BICC1: variants seen among roughly 807,000 people sequenced by gnomAD.
BICC1 encodes the protein protein bicaudal C homolog 1.
A neutral mutation model predicts 111.0 loss-of-function variants in BICC1; 43 were observed. The ratio of observed to expected loss-of-function variants is 0.39; its 90% CI spans 0.30 to 0.50. The LOEUF (loss-of-function observed/expected upper bound fraction) is 0.50. Among genes scored for constraint, BICC1 ranks in the 20% least tolerant of loss-of-function variants. BICC1 has a pLI of 0.88. For missense variants in BICC1, 1,091 were observed against 1,203.2 expected (o/e 0.91, Z 1.38); for synonymous variants, 467 against 434.4 (o/e 1.07, Z -0.93).
chr10:58,746,521 A>G (rs1307631704), intron 3 of BICC1, among the ~76,000 whole-genome samples: 1 of 152,148 alleles, frequency 6.6e-6, no homozygotes, highest in Non-Finnish European at 1.5e-5. Context: ...AGAAGGGGGA[A>G]AATGATTGAG....
intron 17 of BICC1, among the ~76,000 whole-genome samples, chr10:58,807,438 G>A (rs182282879): frequency 8.8e-4 from 134 of 152,196 alleles, no homozygotes; most frequent in African/African-American, 3.0e-3. Flanking sequence ...AATGATAAGC[G>A]TAGGGCTGAG....
At chr10:58,544,290 T>C (rs1171787319) in intron 1 of BICC1, among the ~76,000 whole-genome samples, 1 of 152,196 alleles carries the variant, frequency 6.6e-6, no homozygotes, top group Non-Finnish European at 1.5e-5. Context: ...AAAATGGATT[T>C]GTGTGACTTG....
intron 2 of BICC1, among the ~76,000 whole-genome samples, chr10:58,668,761 T>C (rs1221878084): frequency 6.6e-6 from 1 of 152,068 alleles, no homozygotes; most frequent in Non-Finnish European, 1.5e-5. Context: ...ATGGTGCATC[T>C]AGTTCAGTAT....
At chr10:58,755,453 A>G (rs1211494707) in intron 3 of BICC1, among the ~76,000 whole-genome samples, 1 of 152,192 alleles carries the variant, frequency 6.6e-6, no homozygotes, top group Non-Finnish European at 1.5e-5. Context: ...TGGATTTCAC[A>G]TTACAGTACA....
chr10:58,768,620 A>G (rs982781391), intron 3 of BICC1, among the ~76,000 whole-genome samples: 1 of 152,200 alleles, frequency 6.6e-6, no homozygotes, highest in Non-Finnish European at 1.5e-5. Flanking sequence ...TTAAAAGACA[A>G]AAGTATTAAA....
intron 3 of BICC1, among the ~76,000 whole-genome samples, chr10:58,718,769 C>T (rs61874131): frequency 0.96 from 143,307 of 148,688 alleles, 69,009 homozygotes; most frequent in East Asian, 1. Flanking sequence ...TGTGTGTGCG[C>T]GCGCGCGTGC....
intron 2 of BICC1, among the ~76,000 whole-genome samples, chr10:58,681,121 T>A (rs1839506639): frequency 6.6e-6 from 1 of 152,208 alleles, no homozygotes; most frequent in South Asian, 2.1e-4. Context: ...GGGCAAAGAC[T>A]TCATGACTAA....
chr10:58,776,237 T>G (rs183752378), intron 3 of BICC1, among the ~76,000 whole-genome samples: 1 of 152,344 alleles, frequency 6.6e-6, no homozygotes, highest in East Asian at 1.9e-4. Context: ...GTGTGAACTC[T>G]TAAATGCATA....
chr10:58,600,797 CTAA>C (rs1439592607), intron 1 of BICC1, among the ~76,000 whole-genome samples: 1 of 151,934 alleles, frequency 6.6e-6, no homozygotes, highest in Non-Finnish European at 1.5e-5. Context: ...ATGTGATTTT[CTAA>C]TAATATTTTC....
At chr10:58,593,278 C>A (rs1195003474) in intron 1 of BICC1, among the ~76,000 whole-genome samples, 4 of 152,036 alleles carry the variant, frequency 2.6e-5, no homozygotes, top group Non-Finnish European at 5.9e-5. Flanking sequence ...CTCCCTGGAA[C>A]AGAGCACCTA....
chr10:58,581,473 A>T (rs1844278017), intron 1 of BICC1, among the ~76,000 whole-genome samples: 1 of 152,210 alleles, frequency 6.6e-6, no homozygotes, highest in Non-Finnish European at 1.5e-5. Context: ...TTGAAAAGAA[A>T]AGAAAAAATC....
chr10:58,653,105 A>T (rs899730788), intron 2 of BICC1, among the ~76,000 whole-genome samples: 4 of 152,194 alleles, frequency 2.6e-5, no homozygotes, highest in African/African-American at 7.2e-5. Context: ...TATGAAGTAA[A>T]TAAGAGTGTA....
rs941884185 is a variant in BICC1 at position 58,513,047 on chromosome 10, G to C, written c.-97G>C. 1 of 974,450 alleles carries C rather than the reference G, an allele frequency of 1.0e-6. No homozygotes were observed. The highest frequency in any genetic ancestry group is 1.3e-6 in the Non-Finnish European group (1 of 760,790). 60.4% of individuals were successfully genotyped at this position (974,450 alleles called of 1,614,324 possible). On this transcript the variant is annotated 5_prime_UTR_variant, in exon 1 of 21. Coordinates refer to ENST00000373886, the MANE Select transcript of BICC1 (RefSeq NM_001080512.3). The stretch of plus-strand genomic sequence containing the variant: ...GGCTGCAGGGGGACGAGCTAGCGCC[G>C]CGGCGCTGGGAGCCAGTTGAGCCCG...
intron 1 of BICC1, among the ~76,000 whole-genome samples, chr10:58,530,684 CAAAAAAA>C (rs67946394): frequency 0.048 from 4,170 of 86,554 alleles, 184 homozygotes; most frequent in African/African-American, 0.16. Flanking sequence ...ACTTTAAATG[CAAAAAAA>C]AAAAAAAAAA....
intron 1 of BICC1, among the ~76,000 whole-genome samples, chr10:58,587,433 G>C (rs571695842): frequency 1.3e-5 from 2 of 152,132 alleles, no homozygotes; most frequent in Admixed American, 1.3e-4. Flanking sequence ...AGAATTTCAA[G>C]TCAGTACATA....
rs368692020 is a variant in BICC1, at chr10:58,699,313, AG to A, written c.238-2758del. Among the ~76,000 whole-genome samples the A allele has an allele frequency of 5.3e-5, 8 of 152,332 alleles. No homozygotes were observed. The South Asian group carries it at 1.7e-3, about 32-fold the overall frequency. On this transcript the variant is annotated intron_variant, in intron 2 of 20. Transcript: ENST00000373886. ...ACCCACTTCTCTGCACGGTATAGAC[AG>A]GGAGTTGTAGTGTGGCTTAGAGGGA...
chr10:58,544,674 T>A (rs1843088089), intron 1 of BICC1, among the ~76,000 whole-genome samples: 1 of 152,158 alleles, frequency 6.6e-6, no homozygotes, highest in Non-Finnish European at 1.5e-5. Context: ...ACCATGCTTA[T>A]CAAGGATCAA....
At chr10:58,713,720 G>A (rs975458192) in intron 3 of BICC1, among the ~76,000 whole-genome samples, 7 of 152,158 alleles carry the variant, frequency 4.6e-5, no homozygotes, top group Admixed American at 3.9e-4. Context: ...GCTACATTTG[G>A]TTCTTAAGTG....
chr10:58,656,263 C>G (rs1018725976), intron 2 of BICC1, among the ~76,000 whole-genome samples: 3 of 151,270 alleles, frequency 2.0e-5, no homozygotes, highest in African/African-American at 7.3e-5. Context: ...CGAATTCTAT[C>G]AGAGGTACAA....
Sources: allele counts gnomAD v4.1 joint callset (sites outside exome capture counted in the v4.1 genomes callset), GRCh38; gene constraint gnomAD v4.1.1; transcripts MANE v1.5; gene names NCBI Gene and HGNC (gene_info 2026-07-23, HGNC 2026-07-21).